Variants in DDHD1 observed in about 807,000 individuals in gnomAD.
DDHD1 encodes the protein DDHD domain containing 1.
DDHD1 carries 49 observed loss-of-function variants against 96.4 expected under a neutral mutation model. That is an observed-to-expected ratio of 0.51 (90% CI 0.40 to 0.64). The LOEUF (loss-of-function observed/expected upper bound fraction) is 0.64, where lower values mean the gene tolerates loss of function less well. Ranked by LOEUF, DDHD1 falls within the 30% of genes least tolerant of loss-of-function variation. The probability of loss-of-function intolerance (pLI) is 0.00; values close to 1 mark genes in which losing one functional copy is unlikely to be tolerated. For missense variants in DDHD1, 1,106 were observed against 1,161.2 expected (o/e 0.95, Z 0.69); for synonymous variants, 442 against 446.5 (o/e 0.99, Z 0.13).
At chr14:53,067,482 G>T (rs1448861671) in intron 6 of DDHD1, among the ~76,000 whole-genome samples, 2 of 148,972 alleles carry the variant, frequency 1.3e-5, no homozygotes, top group African/African-American at 5.0e-5. Flanking sequence ...TTTAGAGATG[G>T]AATCTCGCTC....
intron 4 of DDHD1, among the ~76,000 whole-genome samples, chr14:53,076,683 T>C (rs1215975659): frequency 6.6e-6 from 1 of 152,212 alleles, no homozygotes; most frequent in Non-Finnish European, 1.5e-5. Context: ...TCGATGTGGC[T>C]AACTTCACTG....
At chr14:53,067,383 A>G (rs535128500) in intron 6 of DDHD1, among the ~76,000 whole-genome samples, 1 of 151,078 alleles carries the variant, frequency 6.6e-6, no homozygotes, top group South Asian at 2.1e-4. Flanking sequence ...GGTCTGAACT[A>G]CCAGCCTCAA....
In DDHD1 at chr14:53,037,829, T is replaced by A. The variant is rs1315967837; in HGVS notation, c.*8939A>T. The A allele has an allele frequency of 2.0e-5, 3 of 152,184 alleles. No homozygotes were observed. The highest frequency in any genetic ancestry group is 7.2e-5 in the African/African-American group (3 of 41,448). 9.4% of individuals were successfully genotyped at this position (152,184 alleles called of 1,614,324 possible). ...GGCTGATGTTGATAAGGGTATTTCC[T>A]AGGTTTTCTTCTAGGATTTTTACAG... On this transcript the variant is annotated 3_prime_UTR_variant, in exon 13 of 13. Coordinates refer to ENST00000673822, the MANE Select transcript of DDHD1 (RefSeq NM_001160148.2).
At chr14:53,078,835 C>A in intron 4 of DDHD1, among the ~76,000 whole-genome samples, 1 of 152,188 alleles carries the variant, frequency 6.6e-6, no homozygotes, top group East Asian at 1.9e-4. Context: ...AGTTTAGCCA[C>A]AGGCTTTTTG....
rs55671452 is a variant in DDHD1 at position 53,152,762 on chromosome 14, T to TGCCGCCGCCGCC, written c.325_336dup (p.Gly109_Gly112dup). On this transcript the variant is annotated inframe_insertion, in exon 1 of 13. Transcript: ENST00000673822. Reference sequence around the variant, plus strand: ...TGCGGCGGGTGCAGCGACAAGGAGCTGCCGCCGCCGCCGCTCTCACCCTCG... The same window carrying TGCCGCCGCCGCC: ...TGCGGCGGGTGCAGCGACAAGGAGCTGCCGCCGCCGCCGCCGCCGCCGCCGCTCTCACCCTCG... 1.2e-3 allele frequency: 1,864 copies of TGCCGCCGCCGCC among 1,576,654 alleles called. 4 individuals carry two copies. The highest frequency in any genetic ancestry group is 2.9e-3 in the Middle Eastern group (14 of 4,894).
At chr14:53,076,984 T>C (rs1885014396) in intron 4 of DDHD1, among the ~76,000 whole-genome samples, 1 of 152,206 alleles carries the variant, frequency 6.6e-6, no homozygotes, top group African/African-American at 2.4e-5. Context: ...AATTATGATA[T>C]TCACTTTATT....
Position 53,066,737 on chromosome 14 carries a change from T to G in DDHD1, c.1504-3532A>C, listed in dbSNP as rs1595112327. ...ATCCCAGCACTTTGGAAGGCCGAGG[T>G]GGGAGGATCACTTGAAGTCAGGAGT... On this transcript the variant is annotated intron_variant, in intron 6 of 12. Coordinates refer to ENST00000673822, the MANE Select transcript of DDHD1 (RefSeq NM_001160148.2). 2.0e-5 allele frequency among the ~76,000 whole-genome samples: 3 copies of G among 151,630 alleles called. No homozygotes were observed. The South Asian group carries it at 6.3e-4, about 32-fold the overall frequency.
At chr14:53,081,320 G>A (rs1462919495) in intron 4 of DDHD1, among the ~76,000 whole-genome samples, 1 of 152,178 alleles carries the variant, frequency 6.6e-6, no homozygotes, top group Non-Finnish European at 1.5e-5. Context: ...TATATGCAAG[G>A]AAGAACATAT....
chr14:53,064,364 A>G (rs1883843540), intron 6 of DDHD1, among the ~76,000 whole-genome samples: 1 of 150,346 alleles, frequency 6.7e-6, no homozygotes, highest in African/African-American at 2.5e-5. Context: ...GCACTAAAAG[A>G]TATATACTTT....
chr14:53,119,714 C>T (rs1010034778), intron 1 of DDHD1, among the ~76,000 whole-genome samples: 2 of 152,178 alleles, frequency 1.3e-5, no homozygotes, highest in African/African-American at 4.8e-5. Flanking sequence ...ATATAATTAT[C>T]TCAATCGATG....
chr14:53,148,682 T>C (rs1199247340), intron 1 of DDHD1, among the ~76,000 whole-genome samples: 2 of 152,240 alleles, frequency 1.3e-5, no homozygotes, highest in Non-Finnish European at 2.9e-5. Context: ...CCATCTGCTA[T>C]TACTGAATGC....
At chr14:53,051,186 C>A (rs1051637357) in intron 12 of DDHD1, among the ~76,000 whole-genome samples, 1 of 148,492 alleles carries the variant, frequency 6.7e-6, no homozygotes. Flanking sequence ...TTGTCAAAGA[C>A]AAAATCCAGC....
chr14:53,048,045 G>C (rs1466560684), intron 12 of DDHD1, among the ~76,000 whole-genome samples: 2 of 152,104 alleles, frequency 1.3e-5, no homozygotes, highest in South Asian at 4.1e-4. Flanking sequence ...TTTATACTGG[G>C]AATTTGGTAA....
intron 2 of DDHD1, chr14:53,096,181 C>A (rs1028854832): frequency 2.0e-6 from 2 of 985,038 alleles, no homozygotes; most frequent in Non-Finnish European, 2.4e-6. Context: ...TCCATTTGAA[C>A]AGAGAAGGGA....
chr14:53,112,585 C>T (rs375882373), intron 1 of DDHD1, among the ~76,000 whole-genome samples: 2 of 152,172 alleles, frequency 1.3e-5, no homozygotes, highest in East Asian at 3.9e-4. Context: ...TGATATTCAA[C>T]ACCTATATCT....
intron 1 of DDHD1, among the ~76,000 whole-genome samples, chr14:53,119,527 T>G (rs960301557): frequency 1.3e-5 from 2 of 152,218 alleles, no homozygotes; most frequent in African/African-American, 4.8e-5. Context: ...CTAATATACC[T>G]GATGAACATC....
rs144661215 is a variant in DDHD1, at chr14:53,124,502, A to T, written c.839-20646T>A. Among the ~76,000 whole-genome samples the T allele has an allele frequency of 9.6e-4, 146 of 152,312 alleles. 3 individuals are homozygous for T. Among genetic ancestry groups the T allele is most frequent in the African/African-American group, 3.3e-3 (139 of 41,564 alleles). ...TATATAGAATTTTATCTTACATAAA[A>T]AATACCTATACCTCAAAATATAACT... On this transcript the variant is annotated intron_variant, in intron 1 of 12. Coordinates refer to ENST00000673822, the MANE Select transcript of DDHD1 (RefSeq NM_001160148.2).
intron 1 of DDHD1, among the ~76,000 whole-genome samples, chr14:53,110,048 C>G (rs1411053536): frequency 6.6e-6 from 1 of 152,200 alleles, no homozygotes; most frequent in Non-Finnish European, 1.5e-5. Context: ...CCTGCATTCC[C>G]TATCACAGTG....
At chr14:53,147,152 A>G (rs201965841) in intron 1 of DDHD1, among the ~76,000 whole-genome samples, 2 of 152,140 alleles carry the variant, frequency 1.3e-5, no homozygotes, top group East Asian at 3.9e-4. Flanking sequence ...CCCAGTGTCC[A>G]TAATTCTCAG....
Sources: allele counts gnomAD v4.1 joint callset (sites outside exome capture counted in the v4.1 genomes callset), GRCh38; gene constraint gnomAD v4.1.1; transcripts MANE v1.5; gene names NCBI Gene and HGNC (gene_info 2026-07-23, HGNC 2026-07-21).